The following LRCH1 variants were observed in gnomAD, a reference collection of about 807,000 sequenced individuals.
LRCH1 encodes the protein leucine-rich repeat and calponin homology domain-containing protein 1.
LRCH1 carries 23 observed loss-of-function variants against 94.9 expected under a neutral mutation model. The observed-to-expected ratio is 0.24, with a 90% CI of 0.17 to 0.34. The LOEUF (loss-of-function observed/expected upper bound fraction) is 0.34, where lower values mean the gene tolerates loss of function less well. Ranked by LOEUF, LRCH1 falls within the 10% of genes least tolerant of loss-of-function variation. The pLI, the probability that LRCH1 is intolerant of heterozygous loss-of-function variation, is 1.00. For synonymous variants in LRCH1, 364 were observed against 354.9 expected (o/e 1.03, Z -0.29); for missense variants, 790 against 945.9 (o/e 0.84, Z 2.16).
At chr13:46,554,516 A>G (rs535930894) in intron 1 of LRCH1, among the ~76,000 whole-genome samples, 10 of 152,324 alleles carry the variant, frequency 6.6e-5, no homozygotes, top group African/African-American at 1.9e-4. Context: ...TATTAAAGGC[A>G]AAGTAATTAA....
At position 46,692,560 on chromosome 13, in the gene LRCH1, C is replaced by T. The variant is rs1466564285; in HGVS notation, c.1039C>T (p.Leu347Phe). 1.2e-6 allele frequency: 2 copies of T among 1,613,862 alleles called. No homozygotes were observed. The highest frequency in any genetic ancestry group is 1.3e-5 in the African/African-American group (1 of 74,930). Residue 347 changes from leucine (L) to phenylalanine (F), a missense_variant, in exon 8 of 20, where the codon CTC becomes TTC. By Grantham distance (22) the Leu-to-Phe change is conservative. Around this residue, in one of 3 missense-constraint regions of LRCH1, gnomAD observed 194 missense variants for 293.5 expected, o/e 0.66. Coordinates refer to ENST00000389797, the MANE Select transcript of LRCH1 (RefSeq NM_001164211.2). ...GCCTTCTGACGAAGACACTGTTAGCCTCAATGTGCCAATGTCAAACATCAT... is the reference window on the plus strand; with the variant it reads ...GCCTTCTGACGAAGACACTGTTAGCTTCAATGTGCCAATGTCAAACATCAT... Reference protein sequence around the residue: ...TEPSDEDTVSLNVPMSNIMEE... With the variant: ...TEPSDEDTVSFNVPMSNIMEE...
At chr13:46,695,088 A>G in intron 9 of LRCH1, 71 bp downstream of exon 9, 1 of 1,564,154 alleles carries the variant, frequency 6.4e-7, no homozygotes, top group South Asian at 1.2e-5. Flanking sequence ...ATTTAAGTTG[A>G]AGGTTGCCAA....
chr13:46,661,281 C>A (rs1420218906), intron 2 of LRCH1, among the ~76,000 whole-genome samples: 2 of 152,154 alleles, frequency 1.3e-5, no homozygotes, highest in Non-Finnish European at 2.9e-5. Flanking sequence ...TATTTAAATT[C>A]TCTGAATGTC....
intron 1 of LRCH1, among the ~76,000 whole-genome samples, chr13:46,583,466 C>G (rs2050395726): frequency 6.6e-6 from 1 of 152,222 alleles, no homozygotes; most frequent in African/African-American, 2.4e-5. Context: ...CACCTATTCT[C>G]TTGCTCTTTA....
At chr13:46,632,595 C>A (rs983482265) in intron 1 of LRCH1, among the ~76,000 whole-genome samples, 14 of 152,184 alleles carry the variant, frequency 9.2e-5, no homozygotes, top group African/African-American at 3.1e-4. Flanking sequence ...AACCTACTTA[C>A]TCTTCAAGTT....
intron 1 of LRCH1, among the ~76,000 whole-genome samples, chr13:46,623,939 A>G (rs1488064943): frequency 6.9e-6 from 1 of 144,954 alleles, no homozygotes; most frequent in Non-Finnish European, 1.5e-5. Context: ...GCTGGAGTAC[A>G]GTGGTGCAGT....
At chr13:46,701,704 G>A (rs1411244292) in intron 11 of LRCH1, among the ~76,000 whole-genome samples, 2 of 152,182 alleles carry the variant, frequency 1.3e-5, no homozygotes, top group East Asian at 3.8e-4. Context: ...TGCCTTGATC[G>A]ATAATAGGCA....
intron 2 of LRCH1, among the ~76,000 whole-genome samples, chr13:46,653,389 T>G (rs2051331422): frequency 6.6e-6 from 1 of 152,188 alleles, no homozygotes; most frequent in Admixed American, 6.5e-5. Flanking sequence ...GAGGAAAAGC[T>G]TATCTCACAG....
Position 46,694,998 on chromosome 13 carries a change from C to T in LRCH1, c.1226C>T (p.Ser409Leu), listed in dbSNP as rs376592325. The T allele has an allele frequency of 4.3e-5, 69 of 1,613,792 alleles. No homozygotes were observed. Among genetic ancestry groups the T allele is most frequent in the African/African-American group, 3.6e-4 (27 of 74,910 alleles). The change falls in exon 9 of 20, where the codon TCG becomes TTG. Residue 409 changes from serine (S) to leucine (L), a missense_variant. Physicochemically the swap from Ser to Leu is moderately radical, Grantham distance 145. Coordinates refer to ENST00000389797, the MANE Select transcript of LRCH1 (RefSeq NM_001164211.2). ...ACTGATAGAGCAGATGGTCTCCATT[C>T]GGAATTTATGAACTATAAGGCAAGA... is the stretch of plus-strand genomic sequence containing the variant. ...QFTDRADGLHSEFMNYKARAE... is the reference protein window; with the variant it reads ...QFTDRADGLHLEFMNYKARAE...
chr13:46,639,944 A>T (rs940786556), intron 1 of LRCH1, among the ~76,000 whole-genome samples: 1 of 152,144 alleles, frequency 6.6e-6, no homozygotes, highest in Non-Finnish European at 1.5e-5. Flanking sequence ...TTCATTTTTC[A>T]ACTGTCATTT....
intron 1 of LRCH1, among the ~76,000 whole-genome samples, chr13:46,641,009 G>A (rs1290808239): frequency 2.0e-5 from 3 of 152,180 alleles, no homozygotes; most frequent in African/African-American, 7.2e-5. Context: ...GCGTTGGGTT[G>A]TTTGGTCTGC....
At chr13:46,596,269 A>G (rs765927851) in intron 1 of LRCH1, among the ~76,000 whole-genome samples, 23 of 152,222 alleles carry the variant, frequency 1.5e-4, no homozygotes, top group African/African-American at 2.4e-4. Context: ...CTGTGATCCT[A>G]ATGAACACCG....
chr13:46,598,413 GCAGATTTATAGAAATTTTA>G (rs1284784929), intron 1 of LRCH1, among the ~76,000 whole-genome samples: 1 of 151,810 alleles, frequency 6.6e-6, no homozygotes, highest in Non-Finnish European at 1.5e-5. Flanking sequence ...AAAGACGCTT[GCAGATTTATAGAAATTTTA>G]CATTTGTATG....
chr13:46,721,322 C>T (rs906905131), intron 16 of LRCH1, among the ~76,000 whole-genome samples: 2 of 152,172 alleles, frequency 1.3e-5, no homozygotes, highest in African/African-American at 2.4e-5. Context: ...TGTGTTTAAA[C>T]GGTGTTGAGG....
In LRCH1 at chr13:46,705,114, A is replaced by G. The variant is rs199964574; in HGVS notation, c.1447A>G (p.Met483Val). The change falls in exon 12 of 20, where the codon ATG (methionine) becomes GTG (valine). Residue 483 changes from methionine to valine, a missense_variant. Coordinates refer to ENST00000389797, the MANE Select transcript of LRCH1 (RefSeq NM_001164211.2). ...GAGAAGTGTTTTAAACCTATATCCT[A>G]TGGGATCAGCAGAAGCCTTAGAATT... ...TERSVLNLYP[M>V]GSAEALELQD... The G allele has an allele frequency of 7.5e-6, 12 of 1,609,142 alleles. 3 individuals carry two copies. Among genetic ancestry groups the G allele is most frequent in the Non-Finnish European group, 4.2e-6 (5 of 1,177,662 alleles).
At chr13:46,555,158 A>C (rs1225311051) in intron 1 of LRCH1, among the ~76,000 whole-genome samples, 1 of 152,204 alleles carries the variant, frequency 6.6e-6, no homozygotes, top group Non-Finnish European at 1.5e-5. Flanking sequence ...TGAGCTGTCA[A>C]CAGCTGGGGA....
rs1191351366 is a variant in LRCH1 at position 46,684,546 on chromosome 13, G to T, written c.686-1359G>T. 6.6e-5 allele frequency among the ~76,000 whole-genome samples: 10 copies of T among 152,256 alleles called. No homozygotes were observed. In the East Asian group the frequency reaches 1.7e-3, roughly 26 times the overall value. On this transcript the variant is annotated intron_variant, in intron 4 of 19. Coordinates refer to ENST00000389797, the MANE Select transcript of LRCH1 (RefSeq NM_001164211.2). ...TTAAATTTTTCCAGTGATTTGCTAAGCTAACTTTAATTAACCATCTCGGAG... is the reference window on the plus strand; with the variant it reads ...TTAAATTTTTCCAGTGATTTGCTAATCTAACTTTAATTAACCATCTCGGAG...
intron 1 of LRCH1, among the ~76,000 whole-genome samples, chr13:46,592,273 A>G (rs1482087642): frequency 6.6e-6 from 1 of 152,088 alleles, no homozygotes; most frequent in African/African-American, 2.4e-5. Context: ...ATAGGCAACA[A>G]TTTTCAGGAG....
chr13:46,703,605 A>G (rs928797372), intron 11 of LRCH1, among the ~76,000 whole-genome samples: 6 of 152,212 alleles, frequency 3.9e-5, no homozygotes, highest in African/African-American at 9.6e-5. Flanking sequence ...TTTTAATAGC[A>G]AATATTTGGA....
Sources: allele counts gnomAD v4.1 joint callset (sites outside exome capture counted in the v4.1 genomes callset), GRCh38; gene constraint gnomAD v4.1.1; regional missense constraint gnomAD v4.1.1; transcripts MANE v1.5; gene names NCBI Gene and HGNC (gene_info 2026-07-23, HGNC 2026-07-21).